ADGRL3: variants seen among roughly 807,000 people sequenced by gnomAD.
The protein encoded by ADGRL3 is adhesion G protein-coupled receptor L3, also known as calcium-independent alpha-latrotoxin receptor 3.
Under a neutral mutation model 153.5 loss-of-function variants are expected in ADGRL3, and 62 were observed. The ratio of observed to expected loss-of-function variants is 0.40; its 90% CI spans 0.33 to 0.50. ADGRL3 has a LOEUF of 0.50. ADGRL3 is among the 20% of genes least tolerant of loss of function. The probability of loss-of-function intolerance (pLI) is 0.47; values close to 1 mark genes in which losing one functional copy is unlikely to be tolerated. For missense variants in ADGRL3, 1,641 were observed against 1,859.4 expected, an observed-to-expected ratio of 0.88 and a Z score of 2.16; for synonymous variants, 710 against 672.5, an observed-to-expected ratio of 1.06 and a Z score of -0.86.
rs752950888 is a variant in ADGRL3, at chr4:61,947,065, G to A, written c.2571G>A (p.Glu857=). 1 of 1,613,812 alleles carries A rather than the reference G, an allele frequency of 6.2e-7. No individual in the cohort carries two copies. Among genetic ancestry groups the A allele is most frequent in the East Asian group, 2.2e-5 (1 of 44,854 alleles). The change falls in exon 16 of 27, where the codon GAG becomes GAA. Residue 857 remains glutamate (E), a synonymous_variant. Coordinates refer to ENST00000683033, the MANE Select transcript of ADGRL3 (RefSeq NM_001387552.1). ...SPVITAAINK[E]FSNKVYLADP... ...TTATTACGGCAGCAATAAACAAAGA[G>A]TTCAGTAACAAGGTTTATTTGGCTG...
chr4:61,918,789 A>G (rs148919023), intron 13 of ADGRL3, among the ~76,000 whole-genome samples: 292 of 152,346 alleles, frequency 1.9e-3, no homozygotes, highest in African/African-American at 6.9e-3. Context: ...CTACATTATT[A>G]CATGCAATAT....
intron 2 of ADGRL3, among the ~76,000 whole-genome samples, chr4:61,391,734 G>A (rs1469286363): frequency 1.3e-5 from 2 of 151,080 alleles, no homozygotes; most frequent in Non-Finnish European, 2.9e-5. Flanking sequence ...TATGCAGAAA[G>A]TTTTATCTTC....
At chr4:61,797,827 G>A (rs1251644427) in intron 8 of ADGRL3, among the ~76,000 whole-genome samples, 3 of 152,054 alleles carry the variant, frequency 2.0e-5, no homozygotes, top group Non-Finnish European at 2.9e-5. Flanking sequence ...TGTGTATCAG[G>A]ATCTATGTCA....
chr4:61,413,800 C>A (rs918357605), intron 2 of ADGRL3, among the ~76,000 whole-genome samples: 1 of 152,268 alleles, frequency 6.6e-6, no homozygotes, highest in East Asian at 1.9e-4. Flanking sequence ...AACCAGGGAA[C>A]TCAGAGCCAC....
Position 62,011,478 on chromosome 4 carries a change from A to G in ADGRL3, c.3395+13213A>G, listed in dbSNP as rs933773087. ...ATAAAAATGTTCCTTTCCTCTCGGTATAGGGCGGTTATCTCTGGGGTAAGT... is the reference window on the plus strand; with the variant it reads ...ATAAAAATGTTCCTTTCCTCTCGGTGTAGGGCGGTTATCTCTGGGGTAAGT... On this transcript the variant is annotated intron_variant, in intron 21 of 26. Coordinates refer to ENST00000683033, the MANE Select transcript of ADGRL3 (RefSeq NM_001387552.1). Among the ~76,000 whole-genome samples, 12 of 152,114 alleles carry G rather than the reference A, an allele frequency of 7.9e-5. No individual in the cohort carries two copies. The South Asian group carries it at 1.2e-3, about 16-fold the overall frequency.
At chr4:61,641,466 G>A (rs1187468672) in intron 5 of ADGRL3, among the ~76,000 whole-genome samples, 1 of 124,602 alleles carries the variant, frequency 8.0e-6, no homozygotes, top group Non-Finnish European at 1.6e-5. Flanking sequence ...TCCTCAGAGT[G>A]TGATGTTCCC....
intron 1 of ADGRL3, among the ~76,000 whole-genome samples, chr4:61,356,221 TG>T (rs2096164463): frequency 6.6e-6 from 1 of 152,032 alleles, no homozygotes; most frequent in Non-Finnish European, 1.5e-5. Context: ...TTCTCATTGG[TG>T]TCTAGGTAAG....
At chr4:61,898,576 A>G (rs979105586) in intron 11 of ADGRL3, among the ~76,000 whole-genome samples, 4 of 151,614 alleles carry the variant, frequency 2.6e-5, no homozygotes, top group Admixed American at 6.6e-5. Flanking sequence ...TGTGATGTTT[A>G]CACAGCCTGC....
At chr4:61,491,977 T>A (rs1040652124) in intron 2 of ADGRL3, among the ~76,000 whole-genome samples, 1 of 151,986 alleles carries the variant, frequency 6.6e-6, no homozygotes. Context: ...CTAAAGTAAG[T>A]TGTAAGGTCA....
At chr4:61,701,061 A>G (rs555509249) in intron 6 of ADGRL3, among the ~76,000 whole-genome samples, 2 of 152,342 alleles carry the variant, frequency 1.3e-5, no homozygotes, top group South Asian at 2.1e-4. Flanking sequence ...AATCATTTGT[A>G]TGAGGTACAA....
intron 1 of ADGRL3, among the ~76,000 whole-genome samples, chr4:61,262,832 T>C (rs923555803): frequency 6.6e-6 from 1 of 152,112 alleles, no homozygotes; most frequent in Non-Finnish European, 1.5e-5. Context: ...CCAATTCTTA[T>C]TTTTGTTATT....
intron 1 of ADGRL3, among the ~76,000 whole-genome samples, chr4:61,365,365 G>C (rs2096376523): frequency 6.6e-6 from 1 of 152,170 alleles, no homozygotes; most frequent in Admixed American, 6.5e-5. Context: ...CAATATCTTG[G>C]CAAGTGCAAA....
chr4:61,389,241 A>C (rs890906538), intron 2 of ADGRL3, among the ~76,000 whole-genome samples: 3 of 152,174 alleles, frequency 2.0e-5, no homozygotes, highest in African/African-American at 7.2e-5. Context: ...GAGTGGGAGT[A>C]ACACATTTAA....
intron 1 of ADGRL3, among the ~76,000 whole-genome samples, chr4:61,365,917 G>T (rs1578451406): frequency 2.0e-5 from 3 of 152,286 alleles, no homozygotes; most frequent in Admixed American, 6.5e-5. Flanking sequence ...AAGGAGGAAA[G>T]ATATTTATGG....
intron 11 of ADGRL3, among the ~76,000 whole-genome samples, chr4:61,903,875 C>T (rs1393394360): frequency 6.6e-6 from 1 of 151,790 alleles, no homozygotes; most frequent in Non-Finnish European, 1.5e-5. Context: ...CGGGATGAAA[C>T]AATTCTCCCA....
chr4:61,883,595 C>T (rs974742338), intron 9 of ADGRL3, among the ~76,000 whole-genome samples: 2 of 152,104 alleles, frequency 1.3e-5, no homozygotes, highest in African/African-American at 4.8e-5. Context: ...AAGGTTACAT[C>T]GCTTTTAAAT....
chr4:61,291,294 G>GA (rs549501420), intron 1 of ADGRL3, among the ~76,000 whole-genome samples: 1 of 147,298 alleles, frequency 6.8e-6, no homozygotes, highest in African/African-American at 2.5e-5. Flanking sequence ...AAATATTTGG[G>GA]AAAAAAAATT....
At chr4:61,466,715 C>A (rs1489314740) in intron 2 of ADGRL3, among the ~76,000 whole-genome samples, 1 of 152,022 alleles carries the variant, frequency 6.6e-6, no homozygotes, top group Non-Finnish European at 1.5e-5. Context: ...GAATGAACAC[C>A]ATCTTTCTGT....
chr4:61,487,711 A>G (rs1250927961), intron 2 of ADGRL3, among the ~76,000 whole-genome samples: 10 of 152,040 alleles, frequency 6.6e-5, no homozygotes, highest in Non-Finnish European at 1.5e-4. Context: ...AAGTATAGCT[A>G]TGTTCATTTA....
Sources: allele counts gnomAD v4.1 joint callset (sites outside exome capture counted in the v4.1 genomes callset), GRCh38; gene constraint gnomAD v4.1.1; transcripts MANE v1.5; gene names NCBI Gene and HGNC (gene_info 2026-07-23, HGNC 2026-07-21).